The following CEP170 variants were observed in gnomAD, a reference collection of about 807,000 sequenced individuals.
CEP170 encodes centrosomal protein of 170 kDa.
Under a neutral mutation model 151.9 loss-of-function variants are expected in CEP170, and 21 were observed. The observed-to-expected ratio is 0.14, with a 90% CI of 0.10 to 0.20. CEP170 has a LOEUF of 0.20. Ranked by LOEUF, CEP170 falls within the 10% of genes least tolerant of loss-of-function variation. The pLI is 1.00. For missense variants in CEP170, 964 were observed against 1,892.9 expected (o/e 0.51, Z 9.11); for synonymous variants, 356 against 648.8 (o/e 0.55, Z 6.86).
chr1:243,204,708 T>C (rs950151756), intron 4 of CEP170, among the ~76,000 whole-genome samples: 10 of 152,164 alleles, frequency 6.6e-5, no homozygotes, highest in Non-Finnish European at 1.2e-4. Flanking sequence ...TCCTTGAACC[T>C]CTTATCAATC....
At chr1:243,208,028 C>G (rs925641723) in intron 4 of CEP170, among the ~76,000 whole-genome samples, 1 of 152,136 alleles carries the variant, frequency 6.6e-6, no homozygotes, top group Non-Finnish European at 1.5e-5. Flanking sequence ...ACTTGCTCTA[C>G]CTACAGAATT....
At position 243,190,550 on chromosome 1, in the gene CEP170, T is replaced by C. The variant is rs936169652; in HGVS notation, c.1108+468A>G. On this transcript the variant is annotated intron_variant, in intron 8 of 19. Coordinates refer to ENST00000366542, the MANE Select transcript of CEP170 (RefSeq NM_014812.3). ...TTTTATGAGTAACCACTGAGAATAC[T>C]TTGAAGCGCTCCATCAATGATGTGA... 7.2e-5 allele frequency among the ~76,000 whole-genome samples: 11 copies of C among 152,204 alleles called. 1 individual carries two copies. The highest frequency in any genetic ancestry group is 7.2e-4 in the Admixed American group (11 of 15,284).
intron 18 of CEP170, chr1:243,128,889 T>A (rs562177060): frequency 6.5e-6 from 1 of 153,000 alleles, no homozygotes; most frequent in South Asian, 2.1e-4. Flanking sequence ...AAAATTCTTA[T>A]TAATCAACCT....
chr1:243,156,295 A>G lies in CEP170; in HGVS notation c.3837T>C (p.Ser1279=). 1 of 1,591,668 alleles carries G rather than the reference A, an allele frequency of 6.3e-7. No individual in the cohort carries two copies. The highest frequency in any genetic ancestry group is 1.3e-5 in the African/African-American group (1 of 74,116). The change falls in exon 14 of 20, where the codon TCT becomes TCC. Residue 1279 remains serine, a synonymous_variant. Transcript: ENST00000366542. ...GCTCTTTAATCCGGTGTTTGAATGA[A>G]GAACTAGTAGGCATTGCTGATCCAG... ...QSAGSAMPTS[S]SFKHRIKEQE...
intron 1 of CEP170, among the ~76,000 whole-genome samples, chr1:243,244,699 TC>T (rs779317560): frequency 6.7e-6 from 1 of 148,520 alleles, no homozygotes; most frequent in Non-Finnish European, 1.5e-5. Context: ...TGAATGGAGA[TC>T]CCCCCACTGC....
chr1:243,137,467 G>A (rs2055232598), intron 16 of CEP170, among the ~76,000 whole-genome samples: 1 of 152,092 alleles, frequency 6.6e-6, no homozygotes, highest in South Asian at 2.1e-4. Flanking sequence ...ATAAATTTTG[G>A]GACTCAGTGC....
chr1:243,167,987 G>C (rs1165592459), intron 12 of CEP170, among the ~76,000 whole-genome samples: 1 of 151,964 alleles, frequency 6.6e-6, no homozygotes, highest in Non-Finnish European at 1.5e-5. Flanking sequence ...ATAGAAATGA[G>C]ATCATGAAAG....
At chr1:243,240,628 T>C (rs940856626) in intron 1 of CEP170, among the ~76,000 whole-genome samples, 2 of 86,898 alleles carry the variant, frequency 2.3e-5, no homozygotes, top group African/African-American at 8.7e-5. Context: ...GGTATGGGTA[T>C]CTGTATTTTT....
rs1003130996 is a variant in CEP170 at position 243,126,345 on chromosome 1, T to C, written c.*104A>G. The stretch of plus-strand genomic sequence containing the variant: ...AATTAAGAAGACAGGGATTCCAAGA[T>C]TGTAGCTGACCAAGCTGTCTTGTTT... On this transcript the variant is annotated 3_prime_UTR_variant, in exon 20 of 20. Transcript: ENST00000366542. 5 of 1,148,786 alleles carry C rather than the reference T, an allele frequency of 4.4e-6. No homozygotes were observed. The highest frequency in any genetic ancestry group is 1.6e-5 in the African/African-American group (1 of 64,110). The allele number at this position is 1,148,786 out of a possible 1,614,324, so 71.2% of individuals were successfully genotyped here. A position where few individuals can be genotyped will look rare whatever the true frequency, so the allele number is the denominator to read the frequency against.
chr1:243,168,370 T>C (rs941586561), intron 12 of CEP170: 4 of 152,036 alleles, frequency 2.6e-5, no homozygotes, highest in African/African-American at 7.2e-5. Flanking sequence ...AAAAGCCACA[T>C]ACAAAATCTC....
At chr1:243,218,328 G>A (rs71652478) in intron 3 of CEP170, among the ~76,000 whole-genome samples, 1 of 152,378 alleles carries the variant, frequency 6.6e-6, no homozygotes, top group South Asian at 2.1e-4. Context: ...AATGGCACAG[G>A]AGGGGTAGGG....
intron 10 of CEP170, among the ~76,000 whole-genome samples, chr1:243,173,277 C>T (rs1189482626): frequency 1.3e-5 from 2 of 151,566 alleles, no homozygotes; most frequent in African/African-American, 4.8e-5. Flanking sequence ...TCAGGCTGGT[C>T]TCGAACTCCC....
At chr1:243,222,734 T>C (rs12080886) in intron 2 of CEP170, among the ~76,000 whole-genome samples, 50,014 of 152,026 alleles carry the variant, frequency 0.33, 8,474 homozygotes, top group South Asian at 0.54. Context: ...AGAAAAATGT[T>C]GAACAAACTG....
chr1:243,234,652 T>C (rs956988153), intron 1 of CEP170, among the ~76,000 whole-genome samples: 3 of 152,188 alleles, frequency 2.0e-5, no homozygotes, highest in African/African-American at 7.2e-5. Context: ...AGGAATCCTA[T>C]TTTACATTTT....
intron 7 of CEP170, among the ~76,000 whole-genome samples, chr1:243,195,416 A>T (rs1288709597): frequency 2.0e-5 from 3 of 152,040 alleles, no homozygotes; most frequent in African/African-American, 4.8e-5. Flanking sequence ...CAATTTCTGG[A>T]GAACGAAATT....
In CEP170 at chr1:243,126,389, G is replaced by C; in HGVS notation, c.*60C>G. On this transcript the variant is annotated 3_prime_UTR_variant, in exon 20 of 20. Transcript: ENST00000366542. ...CTTGTTTTGCGTACATCAACACTAT[G>C]CTGCTTCCAATATTCCTAGCCATTC... 1 of 1,519,804 alleles carries C rather than the reference G, an allele frequency of 6.6e-7. No homozygotes were observed. The highest frequency in any genetic ancestry group is 8.9e-7 in the Non-Finnish European group (1 of 1,119,878). 94.1% of individuals were successfully genotyped at this position (1,519,804 alleles called of 1,614,324 possible).
chr1:243,189,611 A>G (rs2060178968), intron 8 of CEP170, among the ~76,000 whole-genome samples: 1 of 152,034 alleles, frequency 6.6e-6, no homozygotes, highest in Admixed American at 6.6e-5. Flanking sequence ...GAAAATAGTT[A>G]TAATGACTAA....
chr1:243,128,127 T>C (rs2053921157), intron 19 of CEP170, 122 bp downstream of exon 19: 3 of 727,148 alleles, frequency 4.1e-6, no homozygotes, highest in Admixed American at 8.0e-5. Flanking sequence ...TTGAACTCTG[T>C]ATTTTATGTA....
At chr1:243,197,389 A>ACT (rs60867245) in intron 7 of CEP170, among the ~76,000 whole-genome samples, 61,043 of 151,788 alleles carry the variant, frequency 0.4, 13,391 homozygotes, top group Admixed American at 0.5. Context: ...CTAACATCAC[A>ACT]CACAGCTTCA....
Sources: allele counts gnomAD v4.1 joint callset (sites outside exome capture counted in the v4.1 genomes callset), GRCh38; gene constraint gnomAD v4.1.1; transcripts MANE v1.5; gene names NCBI Gene and HGNC (gene_info 2026-07-23, HGNC 2026-07-21).